The following UMAD1 variants were observed in gnomAD, a reference collection of about 807,000 sequenced individuals.
UMAD1 encodes UBAP1-MVB12-associated (UMA)-domain containing protein 1.
UMAD1 carries 8 observed loss-of-function variants against 6.1 expected under a neutral mutation model. The observed-to-expected ratio is 1.30, with a 90% CI of 0.76 to 2.35. The LOEUF (loss-of-function observed/expected upper bound fraction) is 2.35. Among genes scored for constraint, UMAD1 ranks in the 30% most tolerant of loss-of-function variants. The probability of loss-of-function intolerance (pLI) is 0.00; values close to 1 mark genes in which losing one functional copy is unlikely to be tolerated. For synonymous variants in UMAD1, 56 were observed against 31.4 expected, an observed-to-expected ratio of 1.78 and a Z score of -2.61; for missense variants, 130 against 78.4, an observed-to-expected ratio of 1.66 and a Z score of -2.49.
At chr7:7,833,685 G>C (rs973207782) in intron 3 of UMAD1, among the ~76,000 whole-genome samples, 5 of 152,138 alleles carry the variant, frequency 3.3e-5, no homozygotes, top group Non-Finnish European at 7.4e-5. Context: ...ATAGTTACTG[G>C]AGCCTATTAA....
intron 2 of UMAD1, among the ~76,000 whole-genome samples, chr7:7,785,173 G>A (rs553715981): frequency 6.6e-6 from 1 of 152,240 alleles, no homozygotes; most frequent in African/African-American, 2.4e-5. Context: ...AGTGAATCTG[G>A]GTATGGTAAA....
intron 2 of UMAD1, among the ~76,000 whole-genome samples, chr7:7,745,603 C>A (rs916183334): frequency 3.9e-5 from 6 of 152,200 alleles, no homozygotes; most frequent in African/African-American, 1.4e-4. Flanking sequence ...GTCTAGCGAA[C>A]AGGTCAGGGA....
At chr7:7,832,745 G>T (rs780263896) in intron 3 of UMAD1, among the ~76,000 whole-genome samples, 11 of 152,184 alleles carry the variant, frequency 7.2e-5, no homozygotes, top group Non-Finnish European at 1.5e-4. Flanking sequence ...TAACTTCTAG[G>T]ATTTTAGAAC....
At chr7:7,766,369 T>G (rs1238662513) in intron 2 of UMAD1, among the ~76,000 whole-genome samples, 2 of 152,252 alleles carry the variant, frequency 1.3e-5, no homozygotes, top group African/African-American at 4.8e-5. Flanking sequence ...ATCTGATTAA[T>G]AAACTGATAT....
chr7:7,819,441 C>A (rs1392460710), intron 3 of UMAD1, among the ~76,000 whole-genome samples: 2 of 152,094 alleles, frequency 1.3e-5, no homozygotes, highest in Non-Finnish European at 2.9e-5. Flanking sequence ...AATGTGATTT[C>A]TGCAGGGTCT....
In UMAD1 at chr7:7,878,009, A is replaced by C. The variant is rs1240876352; in HGVS notation, c.*471A>C. The C allele has an allele frequency of 6.3e-6, 1 of 158,694 alleles. No individual in the cohort carries two copies. The highest frequency in any genetic ancestry group is 6.1e-5 in the Admixed American group (1 of 16,466). The allele number at this position is 158,694 out of a possible 1,614,324, so 9.8% of individuals were successfully genotyped here. On this transcript the variant is annotated 3_prime_UTR_variant, in exon 4 of 4. Transcript: ENST00000682710. ...GAATGAATTCAGAAAAAAAGTTGCC[A>C]GTTAGCTTAATTTCTTCAGATGCAT...
intron 3 of UMAD1, among the ~76,000 whole-genome samples, chr7:7,834,496 C>T (rs766467593): frequency 1.3e-5 from 2 of 152,150 alleles, no homozygotes; most frequent in East Asian, 1.9e-4. Flanking sequence ...AAACAACAGA[C>T]ATTTATTTTT....
chr7:7,679,432 TA>T (rs1233629524), intron 2 of UMAD1, among the ~76,000 whole-genome samples: 1 of 11,942 alleles, frequency 8.4e-5, no homozygotes, highest in Non-Finnish European at 1.2e-4. Context: ...AATTTATAGA[TA>T]AATATATATT....
At chr7:7,816,858 A>G (rs912870923) in intron 3 of UMAD1, among the ~76,000 whole-genome samples, 9 of 152,304 alleles carry the variant, frequency 5.9e-5, no homozygotes, top group African/African-American at 1.9e-4. Flanking sequence ...AGTTTTTGTA[A>G]TAGCCCTTAA....
At chr7:7,848,592 T>A (rs1372051494) in intron 3 of UMAD1, among the ~76,000 whole-genome samples, 1 of 152,146 alleles carries the variant, frequency 6.6e-6, no homozygotes, top group Non-Finnish European at 1.5e-5. Context: ...TTGAAATGTT[T>A]GCTTGAAAAA....
intron 2 of UMAD1, among the ~76,000 whole-genome samples, chr7:7,722,020 G>A (rs1292171127): frequency 1.3e-5 from 2 of 151,976 alleles, no homozygotes; most frequent in Non-Finnish European, 2.9e-5. Context: ...GATGCTTCCT[G>A]TCCTTGAACA....
At chr7:7,673,884 AG>A (rs1388875446) in intron 2 of UMAD1, among the ~76,000 whole-genome samples, 1 of 152,220 alleles carries the variant, frequency 6.6e-6, no homozygotes, top group Admixed American at 6.5e-5. Context: ...TATGTTAAAT[AG>A]TGTTTCCTGT....
At chr7:7,855,839 G>T (rs989636875) in intron 3 of UMAD1, among the ~76,000 whole-genome samples, 2 of 152,282 alleles carry the variant, frequency 1.3e-5, no homozygotes, top group Admixed American at 1.3e-4. Context: ...CCTCTTGAAT[G>T]CTTTGCTGCT....
intron 2 of UMAD1, among the ~76,000 whole-genome samples, chr7:7,789,622 C>A (rs1782529630): frequency 7.3e-6 from 1 of 137,170 alleles, no homozygotes; most frequent in Non-Finnish European, 1.6e-5. Context: ...CCCCTTCTCC[C>A]CTCCCCACAG....
At chr7:7,785,560 C>T (rs899250646) in intron 2 of UMAD1, among the ~76,000 whole-genome samples, 4 of 152,098 alleles carry the variant, frequency 2.6e-5, no homozygotes, top group African/African-American at 9.7e-5. Flanking sequence ...AAGGCCAGGT[C>T]TGTGTTAAGA....
chr7:7,703,427 C>T (rs1046119986), intron 2 of UMAD1, among the ~76,000 whole-genome samples: 6 of 152,164 alleles, frequency 3.9e-5, no homozygotes, highest in African/African-American at 1.4e-4. Flanking sequence ...TTTGTGAGTG[C>T]TCTAATTTCT....
At chr7:7,793,015 A>G (rs1782599507) in intron 2 of UMAD1, among the ~76,000 whole-genome samples, 1 of 152,074 alleles carries the variant, frequency 6.6e-6, no homozygotes, top group African/African-American at 2.4e-5. Flanking sequence ...AGGTTTCAAT[A>G]TACGAATTTT....
At chr7:7,774,897 C>G (rs13221072) in intron 2 of UMAD1, among the ~76,000 whole-genome samples, 37,570 of 152,176 alleles carry the variant, frequency 0.25, 5,664 homozygotes, top group East Asian at 0.37. Context: ...TTCCATCTCA[C>G]TTTCTGTCTC....
chr7:7,841,814 T>C (rs909254161), intron 3 of UMAD1, among the ~76,000 whole-genome samples: 3 of 152,196 alleles, frequency 2.0e-5, no homozygotes, highest in Admixed American at 2.0e-4. Flanking sequence ...TCCAACCAGA[T>C]TTTAGCTTGC....
Sources: gnomAD v4.1 joint callset for allele counts (sites outside exome capture counted in the v4.1 genomes callset) on GRCh38, gnomAD v4.1.1 for gene constraint, MANE v1.5 for transcripts, NCBI Gene and HGNC (gene_info 2026-07-23, HGNC 2026-07-21) for gene names.